The following SNTB1 variants were observed in gnomAD, a reference collection of about 807,000 sequenced individuals.
SNTB1 encodes syntrophin beta 1.
A neutral mutation model predicts 48.9 loss-of-function variants in SNTB1; 36 were observed. The ratio of observed to expected loss-of-function variants is 0.74; its 90% CI spans 0.56 to 0.97. SNTB1 has a LOEUF of 0.97. Among genes scored for constraint, SNTB1 ranks in the 50% least tolerant of loss-of-function variants. The pLI is 0.00. For missense variants in SNTB1, 786 were observed against 703.4 expected, an observed-to-expected ratio of 1.12 and a Z score of -1.33; for synonymous variants, 299 against 294.6, an observed-to-expected ratio of 1.01 and a Z score of -0.15.
intron 2 of SNTB1, among the ~76,000 whole-genome samples, chr8:120,692,654 C>T (rs1484175739): frequency 6.6e-6 from 1 of 152,052 alleles, no homozygotes; most frequent in Non-Finnish European, 1.5e-5. Flanking sequence ...CTTTGGGAAA[C>T]AGCATTCCAG....
chr8:120,571,118 C>A, intron 4 of SNTB1: 9 of 868,672 alleles, frequency 1.0e-5, no homozygotes, highest in Non-Finnish European at 1.4e-5. Flanking sequence ...AAAAAGCAGT[C>A]CCCATTGTTC....
intron 3 of SNTB1, among the ~76,000 whole-genome samples, chr8:120,594,562 C>T (rs1293642292): frequency 6.6e-6 from 1 of 152,052 alleles, no homozygotes; most frequent in Non-Finnish European, 1.5e-5. Flanking sequence ...TTTGTAGAGA[C>T]AGGGTCTTGC....
rs768557162 is a variant in SNTB1 at position 120,811,602 on chromosome 8, C to T, written c.242G>A (p.Gly81Asp). Residue 81 changes from glycine to aspartate, a missense_variant, in exon 1 of 7, where the codon GGC becomes GAC. Gly to Asp is a moderately conservative substitution (Grantham distance 94). Transcript: ENST00000517992. The stretch of plus-strand genomic sequence containing the variant: ...GGCGGGCGAGTCCGGGGGCTGCGCG[C>T]CGCCCGCGCCCGGGTGCCCAGCCCC... ...GAGAGHPGAG[G>D]AQPPDSPAGV... The T allele has an allele frequency of 6.4e-7, 1 of 1,572,960 alleles. No individual in the cohort carries two copies. Among genetic ancestry groups the T allele is most frequent in the Non-Finnish European group, 8.6e-7 (1 of 1,163,720 alleles).
intron 3 of SNTB1, among the ~76,000 whole-genome samples, chr8:120,620,235 G>A (rs1816773244): frequency 6.6e-6 from 1 of 152,256 alleles, no homozygotes; most frequent in South Asian, 2.1e-4. Flanking sequence ...TCATCTGCTG[G>A]ATTACATTTA....
rs1586998061 is a variant in SNTB1 at position 120,566,060 on chromosome 8, G to A, written c.1136+9026C>T. ...ATTAAAATACAAAAATTAGCCAGAT[G>A]TGGTGTCTGTGTTAAATACAAAATT... On this transcript the variant is annotated intron_variant, in intron 4 of 6. Transcript: ENST00000517992. 3.9e-5 allele frequency among the ~76,000 whole-genome samples: 6 copies of A among 152,228 alleles called. No homozygotes were observed. The South Asian group carries it at 1.0e-3, about 26-fold the overall frequency.
chr8:120,719,910 G>T (rs1313046132), intron 1 of SNTB1, among the ~76,000 whole-genome samples: 2 of 152,110 alleles, frequency 1.3e-5, no homozygotes, highest in African/African-American at 2.4e-5. Context: ...ATGAATGGCG[G>T]GCAAGGCTCA....
At chr8:120,800,531 G>A (rs192872599) in intron 1 of SNTB1, among the ~76,000 whole-genome samples, 2 of 152,128 alleles carry the variant, frequency 1.3e-5, no homozygotes, top group East Asian at 3.9e-4. Flanking sequence ...ACAGACCCAG[G>A]AGAAAGTCAA....
In SNTB1 at chr8:120,660,993, G is replaced by A. The variant is rs373023421; in HGVS notation, c.789-28342C>T. ...TATCTGACTTACATGGGTGTAGTTT[G>A]TGGTATCCTAAAACAATTACAACAG... On this transcript the variant is annotated intron_variant, in intron 2 of 6. Coordinates refer to ENST00000517992, the MANE Select transcript of SNTB1 (RefSeq NM_021021.4). Among the ~76,000 whole-genome samples, 2 of 152,264 alleles carry A rather than the reference G, an allele frequency of 1.3e-5. 1 individual carries two copies.
chr8:120,624,137 C>A (rs1006038058), intron 3 of SNTB1, among the ~76,000 whole-genome samples: 1 of 152,112 alleles, frequency 6.6e-6, no homozygotes, highest in African/African-American at 2.4e-5. Context: ...GGGGTTTCAC[C>A]ATGTTGGCCA....
At chr8:120,607,527 G>C (rs1358486491) in intron 3 of SNTB1, among the ~76,000 whole-genome samples, 1 of 151,926 alleles carries the variant, frequency 6.6e-6, no homozygotes, top group East Asian at 1.9e-4. Flanking sequence ...TTTAACATTA[G>C]GTATATCTTC....
At chr8:120,760,060 G>A (rs1056101666) in intron 1 of SNTB1, among the ~76,000 whole-genome samples, 1 of 152,176 alleles carries the variant, frequency 6.6e-6, no homozygotes, top group African/African-American at 2.4e-5. Flanking sequence ...ATAAACAAAT[G>A]AGAATGGCCA....
intron 1 of SNTB1, among the ~76,000 whole-genome samples, chr8:120,751,781 A>G (rs1300385338): frequency 6.6e-6 from 1 of 152,088 alleles, no homozygotes; most frequent in African/African-American, 2.4e-5. Flanking sequence ...TATGAGGTTT[A>G]AATGAAAAAA....
chr8:120,763,083 CTA>C (rs1819450107), intron 1 of SNTB1, among the ~76,000 whole-genome samples: 1 of 151,890 alleles, frequency 6.6e-6, no homozygotes, highest in Admixed American at 6.5e-5. Flanking sequence ...CTATACTGAA[CTA>C]TCTCAAAAAA....
At chr8:120,786,693 T>G (rs1819928180) in intron 1 of SNTB1, among the ~76,000 whole-genome samples, 1 of 152,100 alleles carries the variant, frequency 6.6e-6, no homozygotes, top group Middle Eastern at 3.4e-3. Flanking sequence ...AGGTCAAGAG[T>G]GTGACTGGAA....
intron 1 of SNTB1, among the ~76,000 whole-genome samples, chr8:120,760,405 G>A (rs1026346073): frequency 6.6e-6 from 1 of 151,744 alleles, no homozygotes; most frequent in Non-Finnish European, 1.5e-5. Context: ...TAGATACAAA[G>A]AATTATATCT....
intron 1 of SNTB1, among the ~76,000 whole-genome samples, chr8:120,713,909 G>A (rs1818510267): frequency 6.6e-6 from 1 of 152,106 alleles, no homozygotes; most frequent in Non-Finnish European, 1.5e-5. Flanking sequence ...TACCTGTAAA[G>A]GGCTCTATAA....
At chr8:120,606,277 A>G (rs1816516813) in intron 3 of SNTB1, among the ~76,000 whole-genome samples, 1 of 147,630 alleles carries the variant, frequency 6.8e-6, no homozygotes, top group Non-Finnish European at 1.5e-5. Context: ...ATAATTATAT[A>G]ATTATATATA....
At chr8:120,630,651 T>C (rs1816964204) in intron 3 of SNTB1, among the ~76,000 whole-genome samples, 1 of 152,150 alleles carries the variant, frequency 6.6e-6, no homozygotes, top group Admixed American at 6.5e-5. Flanking sequence ...CAGTAAATGT[T>C]TGCTTTTGCT....
chr8:120,590,706 A>C, intron 3 of SNTB1, among the ~76,000 whole-genome samples: 1 of 137,592 alleles, frequency 7.3e-6, no homozygotes, highest in African/African-American at 2.8e-5. Context: ...TTTTTGAGAC[A>C]GAGTCGCTCT....
Sources: gnomAD v4.1 joint callset for allele counts (sites outside exome capture counted in the v4.1 genomes callset) on GRCh38, gnomAD v4.1.1 for gene constraint, MANE v1.5 for transcripts, NCBI Gene and HGNC (gene_info 2026-07-23, HGNC 2026-07-21) for gene names.